The following RNF111 variants were observed in gnomAD, a reference collection of about 807,000 sequenced individuals.
The protein encoded by RNF111 is E3 ubiquitin-protein ligase Arkadia.
In RNF111, 17 loss-of-function variants were observed where a neutral mutation model predicts 95.1. That is an observed-to-expected ratio of 0.18 (90% CI 0.12 to 0.27). RNF111 has a LOEUF of 0.27. Among genes scored for constraint, RNF111 ranks in the 10% least tolerant of loss-of-function variants. RNF111 has a pLI of 1.00. For missense variants in RNF111, 1,189 were observed against 1,210.4 expected (o/e 0.98, Z 0.26); for synonymous variants, 440 against 414.8 (o/e 1.06, Z -0.74).
chr15:59,006,978 G>T (rs1259365085), intron 1 of RNF111, among the ~76,000 whole-genome samples: 12 of 152,106 alleles, frequency 7.9e-5, no homozygotes, highest in Admixed American at 7.9e-4. Flanking sequence ...AGTAGAAATG[G>T]GGTTTCACCA....
chr15:59,051,458 A>C (rs1316019024), intron 2 of RNF111, among the ~76,000 whole-genome samples: 1 of 112,680 alleles, frequency 8.9e-6, no homozygotes, highest in Non-Finnish European at 1.7e-5. Flanking sequence ...ACTCTGTCTC[A>C]AAAAAAAAAA....
intron 2 of RNF111, among the ~76,000 whole-genome samples, chr15:59,041,536 G>A (rs1159263338): frequency 6.6e-6 from 1 of 152,134 alleles, no homozygotes; most frequent in African/African-American, 2.4e-5. Flanking sequence ...ACTCCAGCCT[G>A]GGTGACAGAG....
At chr15:59,046,033 A>G (rs2041692184) in intron 2 of RNF111, among the ~76,000 whole-genome samples, 1 of 152,234 alleles carries the variant, frequency 6.6e-6, no homozygotes, top group Admixed American at 6.5e-5. Context: ...ATAACTCCTA[A>G]TAAATGTTAT....
intron 9 of RNF111, among the ~76,000 whole-genome samples, chr15:59,085,292 A>G (rs2078865435): frequency 6.6e-6 from 1 of 152,232 alleles, no homozygotes; most frequent in Non-Finnish European, 1.5e-5. Context: ...GCAAACAAAA[A>G]CCCAGAGAGC....
chr15:59,027,180 C>T (rs887302803), intron 1 of RNF111, among the ~76,000 whole-genome samples: 3 of 152,084 alleles, frequency 2.0e-5, no homozygotes, highest in Non-Finnish European at 2.9e-5. Flanking sequence ...TTAGTAATTA[C>T]GGATGAGGAG....
intron 1 of RNF111, among the ~76,000 whole-genome samples, chr15:59,030,105 G>A (rs371432146): frequency 6.6e-6 from 1 of 152,128 alleles, no homozygotes; most frequent in East Asian, 1.9e-4. Context: ...AGATAGATTA[G>A]CTGTACAAAG....
intron 1 of RNF111, among the ~76,000 whole-genome samples, chr15:59,008,039 G>A (rs2039620593): frequency 6.6e-6 from 1 of 152,116 alleles, no homozygotes; most frequent in South Asian, 2.1e-4. Flanking sequence ...TTTAAGAAAT[G>A]GTAGTACTTT....
intron 1 of RNF111, among the ~76,000 whole-genome samples, chr15:59,001,972 A>G (rs751203892): frequency 2.6e-5 from 4 of 152,244 alleles, no homozygotes; most frequent in Non-Finnish European, 5.9e-5. Context: ...TGTGAATGTC[A>G]TCTCTCAAAA....
chr15:59,029,301 C>G (rs2040791621), intron 1 of RNF111, among the ~76,000 whole-genome samples: 1 of 152,116 alleles, frequency 6.6e-6, no homozygotes, highest in African/African-American at 2.4e-5. Flanking sequence ...TGTGTTCTTG[C>G]CTTTAATTAA....
chr15:59,047,390 G>T (rs1261813802), intron 2 of RNF111, among the ~76,000 whole-genome samples: 1 of 152,038 alleles, frequency 6.6e-6, no homozygotes, highest in Non-Finnish European at 1.5e-5. Context: ...AGCTACTGGG[G>T]TGGCTAAGGT....
intron 1 of RNF111, 54 bp from the exon 2 acceptor site, chr15:59,030,750 A>T (rs1366053946): frequency 1.6e-6 from 2 of 1,248,372 alleles, no homozygotes; most frequent in African/African-American, 3.0e-5. Flanking sequence ...CTTCAATTAA[A>T]TAGTATAATA....
At position 59,058,331 on chromosome 15, in the gene RNF111, T is replaced by C. The variant is rs2142010077; in HGVS notation, c.1172-25T>C. The C allele has an allele frequency of 1.9e-6, 3 of 1,594,416 alleles. No homozygotes were observed. In the East Asian group the frequency reaches 6.7e-5, roughly 36 times the overall value. Reference sequence around the variant, plus strand: ...CTTTATCTAATTTGTTTTGAAATGCTAAGTTGACATTTTGTATTTTGTAGA... The same window carrying C: ...CTTTATCTAATTTGTTTTGAAATGCCAAGTTGACATTTTGTATTTTGTAGA... On this transcript the variant is annotated intron_variant, in intron 4 of 13. Coordinates refer to ENST00000348370, the MANE Select transcript of RNF111 (RefSeq NM_017610.8).
chr15:58,991,305 A>G (rs1221794523), intron 1 of RNF111, among the ~76,000 whole-genome samples: 1 of 152,066 alleles, frequency 6.6e-6, no homozygotes, highest in African/African-American at 2.4e-5. Context: ...AAAACAAAAC[A>G]ACAAAAAAGC....
chr15:59,029,902 A>G (rs527510855), intron 1 of RNF111, among the ~76,000 whole-genome samples: 1 of 152,284 alleles, frequency 6.6e-6, no homozygotes, highest in East Asian at 1.9e-4. Context: ...AAAATATGTT[A>G]ACATTGTTTA....
intron 4 of RNF111, among the ~76,000 whole-genome samples, chr15:59,057,443 T>C (rs2042243627): frequency 6.6e-6 from 1 of 152,228 alleles, no homozygotes; most frequent in Non-Finnish European, 1.5e-5. Context: ...CTGCATTGTA[T>C]AGAAAGTCAA....
At chr15:59,060,317 A>G (rs558288281) in intron 5 of RNF111, among the ~76,000 whole-genome samples, 1 of 152,234 alleles carries the variant, frequency 6.6e-6, no homozygotes, top group Non-Finnish European at 1.5e-5. Flanking sequence ...TAAAAAAAAA[A>G]AAATCCTTGA....
At chr15:59,027,515 A>G (rs1440826431) in intron 1 of RNF111, among the ~76,000 whole-genome samples, 2 of 151,976 alleles carry the variant, frequency 1.3e-5, no homozygotes, top group African/African-American at 2.4e-5. Context: ...AAATAAAAGA[A>G]ATTCTATACC....
intron 1 of RNF111, among the ~76,000 whole-genome samples, chr15:59,024,516 G>A (rs1198489136): frequency 6.6e-6 from 1 of 152,064 alleles, no homozygotes. Flanking sequence ...GGAAGAGAGG[G>A]TGATTTTTTA....
rs144614737 is a variant in RNF111, at chr15:59,082,396, G to T, written c.2297+1112G>T. 4.5e-4 allele frequency among the ~76,000 whole-genome samples: 68 copies of T among 152,316 alleles called. 1 individual carries two copies. Among genetic ancestry groups the T allele is most frequent in the African/African-American group, 1.3e-3 (55 of 41,578 alleles). ...AGGAATAAGATCTAAAGATATCAAA[G>T]ATTTGAATGTTACTAACGAGAGGGA... On this transcript the variant is annotated intron_variant, in intron 8 of 13. Transcript: ENST00000348370.
Sources: gnomAD v4.1 joint callset for allele counts (sites outside exome capture counted in the v4.1 genomes callset) on GRCh38, gnomAD v4.1.1 for gene constraint, MANE v1.5 for transcripts, NCBI Gene and HGNC (gene_info 2026-07-23, HGNC 2026-07-21) for gene names.